The following FAM124A variants were observed in gnomAD, a reference collection of about 807,000 sequenced individuals.
The protein encoded by FAM124A is protein FAM124A.
In FAM124A, 23 loss-of-function variants were observed where a neutral mutation model predicts 24.5. That is an observed-to-expected ratio of 0.94 (90% confidence interval 0.68 to 1.33). FAM124A has a LOEUF of 1.33. Among genes scored for constraint, FAM124A ranks in the 40% most tolerant of loss-of-function variants. The pLI, the probability that FAM124A is intolerant of heterozygous loss-of-function variation, is 0.00. For synonymous variants in FAM124A, 287 were observed against 314.7 expected (o/e 0.91, Z 0.93); for missense variants, 623 against 722.8 (o/e 0.86, Z 1.58).
intron 2 of FAM124A, among the ~76,000 whole-genome samples, chr13:51,242,316 T>C (rs1954505882): frequency 6.6e-6 from 1 of 152,218 alleles, no homozygotes; most frequent in Non-Finnish European, 1.5e-5. Context: ...TAGAATGCTA[T>C]AGCCTCTTCA....
At chr13:51,260,291 CTG>C (rs1954721792) in intron 3 of FAM124A, among the ~76,000 whole-genome samples, 1 of 152,188 alleles carries the variant, frequency 6.6e-6, no homozygotes, top group South Asian at 2.1e-4. Context: ...AGCCATGTGA[CTG>C]TGAGAGAGCC....
At chr13:51,246,778 T>C (rs941842456) in intron 2 of FAM124A, among the ~76,000 whole-genome samples, 1 of 152,240 alleles carries the variant, frequency 6.6e-6, no homozygotes, top group African/African-American at 2.4e-5. Flanking sequence ...GACTTCAGCA[T>C]GGTCTTTGTT....
At chr13:51,245,324 C>A (rs1293391251) in intron 2 of FAM124A, 15 of 684,826 alleles carry the variant, frequency 2.2e-5, no homozygotes, top group Non-Finnish European at 4.0e-5. Context: ...GGATTCTCCA[C>A]CTGGCGGATG....
chr13:51,262,037 G>C (rs920527677), intron 3 of FAM124A, among the ~76,000 whole-genome samples: 4 of 152,342 alleles, frequency 2.6e-5, no homozygotes, highest in South Asian at 2.1e-4. Context: ...AGTGGGGTGT[G>C]GCTTTGGAGG....
intron 3 of FAM124A, among the ~76,000 whole-genome samples, chr13:51,270,745 T>C (rs1324072712): frequency 1.3e-5 from 2 of 152,252 alleles, no homozygotes; most frequent in Non-Finnish European, 2.9e-5. Flanking sequence ...GTCCATGTAT[T>C]CTGAGGAAGG....
intron 2 of FAM124A, among the ~76,000 whole-genome samples, chr13:51,233,061 G>A (rs1954396019): frequency 6.6e-6 from 1 of 152,134 alleles, no homozygotes; most frequent in African/African-American, 2.4e-5. Flanking sequence ...TGGTGAGTGA[G>A]TGTGTATATG....
At chr13:51,271,852 G>T (rs1365738283) in intron 3 of FAM124A, among the ~76,000 whole-genome samples, 1 of 152,178 alleles carries the variant, frequency 6.6e-6, no homozygotes, top group East Asian at 1.9e-4. Flanking sequence ...TGCAGTCTGG[G>T]CAGTAATATA....
At chr13:51,231,004 A>G (rs1028223630) in intron 1 of FAM124A, among the ~76,000 whole-genome samples, 16 of 152,288 alleles carry the variant, frequency 1.1e-4, no homozygotes, top group South Asian at 2.1e-4. Context: ...TAACCTTTGG[A>G]GTGAATCTGT....
intron 3 of FAM124A, among the ~76,000 whole-genome samples, chr13:51,277,951 G>A (rs1422332797): frequency 6.6e-6 from 1 of 152,192 alleles, no homozygotes; most frequent in Non-Finnish European, 1.5e-5. Flanking sequence ...TTTTGGATCA[G>A]TTACTGAATT....
rs192735042 is a variant in FAM124A, at chr13:51,258,812, G to A, written c.834+6611G>A. ...TGCCCTCGGTCAGCACCCATGACCC[G>A]GGAATGGCAACCGTTACCACACACA... On this transcript the variant is annotated intron_variant, in intron 3 of 3. Coordinates refer to ENST00000322475, the MANE Select transcript of FAM124A (RefSeq NM_001242312.2). This position sits in a 1 kb window ranked among gnomAD's most constrained non-coding sequence, Gnocchi z 4.2. Among the ~76,000 whole-genome samples the A allele has an allele frequency of 3.3e-5, 5 of 152,300 alleles. No homozygotes were observed. Among genetic ancestry groups the A allele is most frequent in the Admixed American group, 2.6e-4 (4 of 15,300 alleles).
intron 3 of FAM124A, among the ~76,000 whole-genome samples, chr13:51,265,073 A>G (rs779508959): frequency 3.0e-4 from 45 of 152,168 alleles, no homozygotes; most frequent in African/African-American, 1.1e-3. Context: ...TAAGCATCTC[A>G]CAGGATGGCT....
intron 3 of FAM124A, among the ~76,000 whole-genome samples, chr13:51,254,228 AT>A (rs1474564174): frequency 1.3e-5 from 2 of 152,304 alleles, no homozygotes; most frequent in Admixed American, 6.5e-5. Flanking sequence ...ATGGAGCTAT[AT>A]ATTGAAGAAA....
intron 3 of FAM124A, among the ~76,000 whole-genome samples, chr13:51,262,560 A>G (rs771848754): frequency 3.3e-5 from 5 of 152,072 alleles, no homozygotes; most frequent in Non-Finnish European, 5.9e-5. Context: ...GAAAAGAACA[A>G]TTTGCTAAAT....
chr13:51,229,261 A>G (rs548038454), intron 1 of FAM124A, among the ~76,000 whole-genome samples: 2 of 152,350 alleles, frequency 1.3e-5, no homozygotes, highest in Non-Finnish European at 2.9e-5. Flanking sequence ...AGAGAGAGAC[A>G]TGATCAGATT....
chr13:51,246,404 TGGG>T (rs55696364), intron 2 of FAM124A, among the ~76,000 whole-genome samples: 3 of 57,308 alleles, frequency 5.2e-5, no homozygotes, highest in Non-Finnish European at 1.1e-4. Context: ...TCTCGTGGGG[TGGG>T]GGGGGGTGTA....
chr13:51,269,477 T>C (rs1954819424), intron 3 of FAM124A, among the ~76,000 whole-genome samples: 1 of 152,212 alleles, frequency 6.6e-6, no homozygotes, highest in African/African-American at 2.4e-5. Flanking sequence ...ATTTGTAACA[T>C]TGAAACAGTT....
chr13:51,241,321 C>T (rs1954491695), intron 2 of FAM124A, among the ~76,000 whole-genome samples: 1 of 152,220 alleles, frequency 6.6e-6, no homozygotes, highest in South Asian at 2.1e-4. Flanking sequence ...AATGTATCAT[C>T]TCCCATTTGT....
chr13:51,277,188 G>C (rs1954893173), intron 3 of FAM124A, among the ~76,000 whole-genome samples: 1 of 152,118 alleles, frequency 6.6e-6, no homozygotes, highest in South Asian at 2.1e-4. Flanking sequence ...CACATGGTTA[G>C]AATTGGAGGT....
At chr13:51,279,375 G>A (rs1350473420) in intron 3 of FAM124A, among the ~76,000 whole-genome samples, 3 of 152,172 alleles carry the variant, frequency 2.0e-5, no homozygotes, top group Admixed American at 6.5e-5. Context: ...GCTGGATGCC[G>A]AGAGCCCTTG....
Sources: allele counts gnomAD v4.1 joint callset (sites outside exome capture counted in the v4.1 genomes callset), GRCh38; gene constraint gnomAD v4.1.1; non-coding constraint Gnocchi (gnomAD v3.1); transcripts MANE v1.5; gene names NCBI Gene and HGNC (gene_info 2026-07-23, HGNC 2026-07-21).